KIRREL3: variants seen among roughly 807,000 people sequenced by gnomAD.
KIRREL3 encodes kirre like nephrin family adhesion molecule 3.
In KIRREL3, 36 loss-of-function variants were observed where a neutral mutation model predicts 89.7. The observed-to-expected ratio is 0.40, with a 90% CI of 0.31 to 0.53. KIRREL3 has a LOEUF of 0.53. Among genes scored for constraint, KIRREL3 ranks in the 20% least tolerant of loss-of-function variants. The pLI is 0.49. For missense variants in KIRREL3, 864 were observed against 1,056.6 expected (o/e 0.82, Z 2.53); for synonymous variants, 445 against 441.4 (o/e 1.01, Z -0.10).
At chr11:126,819,467 G>A (rs1301873585) in intron 1 of KIRREL3, among the ~76,000 whole-genome samples, 7 of 152,198 alleles carry the variant, frequency 4.6e-5, no homozygotes, top group Admixed American at 3.9e-4. Context: ...CCATTGTGTG[G>A]GAGGCTGCTC....
chr11:126,646,996 T>G (rs183539576), intron 1 of KIRREL3, among the ~76,000 whole-genome samples: 77 of 152,344 alleles, frequency 5.1e-4, no homozygotes, highest in African/African-American at 1.8e-3. Context: ...TTAATGATCC[T>G]CAATGGTATA....
intron 2 of KIRREL3, among the ~76,000 whole-genome samples, chr11:126,534,011 G>T (rs1959023960): frequency 6.6e-6 from 1 of 152,170 alleles, no homozygotes; most frequent in Non-Finnish European, 1.5e-5. Context: ...GAAAGGGGGA[G>T]GCAAGGGTGG....
chr11:126,798,349 G>A (rs1486689200), intron 1 of KIRREL3, among the ~76,000 whole-genome samples: 1 of 118,998 alleles, frequency 8.4e-6, no homozygotes, highest in African/African-American at 3.3e-5. Flanking sequence ...CTGATGTTCA[G>A]GGTGCCTCCT....
At chr11:126,585,991 G>C (rs1473188986) in intron 1 of KIRREL3, among the ~76,000 whole-genome samples, 1 of 152,170 alleles carries the variant, frequency 6.6e-6, no homozygotes, top group Non-Finnish European at 1.5e-5. Flanking sequence ...AGTAATGGCC[G>C]TCTGCCTTCC....
At chr11:126,806,556 G>C (rs1951209728) in intron 1 of KIRREL3, among the ~76,000 whole-genome samples, 1 of 152,204 alleles carries the variant, frequency 6.6e-6, no homozygotes, top group African/African-American at 2.4e-5. Flanking sequence ...GATACTCCCT[G>C]AGTTGAACTC....
intron 1 of KIRREL3, among the ~76,000 whole-genome samples, chr11:126,592,196 T>C (rs1310296862): frequency 6.6e-6 from 1 of 152,214 alleles, no homozygotes; most frequent in East Asian, 1.9e-4. Context: ...CGAACAGTTA[T>C]TGTCGTAATC....
chr11:127,002,812 C>T (rs1352137632), upstream of KIRREL3: 5 of 152,152 alleles, frequency 3.3e-5, no homozygotes, highest in Non-Finnish European at 5.9e-5. Context: ...TAATTCAGCC[C>T]CCGAGGGAAC....
chr11:126,517,590 T>A (rs1958460120), intron 4 of KIRREL3, among the ~76,000 whole-genome samples: 1 of 152,158 alleles, frequency 6.6e-6, no homozygotes, highest in South Asian at 2.1e-4. Flanking sequence ...AGAGGTCCTA[T>A]CTCCCAGCCT....
intron 1 of KIRREL3, among the ~76,000 whole-genome samples, chr11:126,932,599 G>A (rs1352725101): frequency 6.6e-6 from 1 of 152,152 alleles, no homozygotes; most frequent in Non-Finnish European, 1.5e-5. Flanking sequence ...TGTCTTGGAC[G>A]GTCCCTGCTA....
chr11:126,982,318 G>C (rs1371464587), intron 1 of KIRREL3, among the ~76,000 whole-genome samples: 5 of 152,238 alleles, frequency 3.3e-5, no homozygotes, highest in Admixed American at 6.5e-5. Flanking sequence ...AGACCCATCT[G>C]TAGGCTCAGG....
chr11:126,996,337 A>C lies in KIRREL3; in HGVS notation c.55+4118T>G, dbSNP rs769887197. 6.6e-6 allele frequency among the ~76,000 whole-genome samples: 1 copy of C among 152,116 alleles called. No individual in the cohort carries two copies. The highest frequency in any genetic ancestry group is 1.5e-5 in the Non-Finnish European group (1 of 67,998). On this transcript the variant is annotated intron_variant, in intron 1 of 16. Coordinates refer to ENST00000525144, the MANE Select transcript of KIRREL3 (RefSeq NM_032531.4). This position sits in a 1 kb window ranked among gnomAD's most constrained non-coding sequence, Gnocchi z 4.7. Reference sequence around the variant, plus strand: ...TTTTATGACATTTCTGAGTGAGTGTAAGTGTTTCCAAAGTTGCTGTTCACT... The same window carrying C: ...TTTTATGACATTTCTGAGTGAGTGTCAGTGTTTCCAAAGTTGCTGTTCACT...
intron 5 of KIRREL3, among the ~76,000 whole-genome samples, chr11:126,472,648 G>C (rs1222721353): frequency 6.6e-6 from 1 of 150,902 alleles, no homozygotes; most frequent in Non-Finnish European, 1.5e-5. Flanking sequence ...GAGTCTCCTC[G>C]TCTGACCATG....
rs1947650148 is a variant in KIRREL3, at chr11:126,709,002, C to T, written c.56-146090G>A. Among the ~76,000 whole-genome samples the T allele has an allele frequency of 6.6e-6, 1 of 152,292 alleles. No individual in the cohort carries two copies. Among genetic ancestry groups the T allele is most frequent in the East Asian group, 1.9e-4 (1 of 5,178 alleles). On this transcript the variant is annotated intron_variant, in intron 1 of 16. Transcript: ENST00000525144. The surrounding 1 kb of genome is among the most constrained non-coding windows in gnomAD (Gnocchi z 4.0). ...GCTAATCCAACAGTTTCTGCCCCCA[C>T]CCCAGGACAGCTTGTGTTATCACGG...
At position 126,796,390 on chromosome 11, in the gene KIRREL3, G is replaced by A. The variant is rs999283288; in HGVS notation, c.55+204065C>T. Among the ~76,000 whole-genome samples, 23 of 152,120 alleles carry A rather than the reference G, an allele frequency of 1.5e-4. No individual in the cohort carries two copies. Among genetic ancestry groups the A allele is most frequent in the African/African-American group, 5.6e-4 (23 of 41,438 alleles). Reference sequence around the variant, plus strand: ...TGGATGGAAGGATCTCATTCTGCCCGTCCTGTCCCGCAGCATTGGGTGTGG... The same window carrying A: ...TGGATGGAAGGATCTCATTCTGCCCATCCTGTCCCGCAGCATTGGGTGTGG... On this transcript the variant is annotated intron_variant, in intron 1 of 16. Transcript: ENST00000525144. The surrounding 1 kb of genome is among the most constrained non-coding windows in gnomAD (Gnocchi z 5.1).
In KIRREL3 at chr11:127,000,522, C is replaced by G. The variant is rs3802824; in HGVS notation, c.-13G>C. 4 of 1,600,358 alleles carry G rather than the reference C, an allele frequency of 2.5e-6. No individual in the cohort carries two copies. Among genetic ancestry groups the G allele is most frequent in the South Asian group, 1.1e-5 (1 of 88,254 alleles). On this transcript the variant is annotated 5_prime_UTR_variant, in exon 1 of 17. Transcript: ENST00000525144. The surrounding 1 kb of genome is among the most constrained non-coding windows in gnomAD (Gnocchi z 7.1). Reference sequence around the variant, plus strand: ...GGAAGGGTTTCATTCCTTAGCGCAGCGAAGGAAAGCCGGCGGGGTAACTTG... The same window carrying G: ...GGAAGGGTTTCATTCCTTAGCGCAGGGAAGGAAAGCCGGCGGGGTAACTTG...
chr11:126,526,748 C>T lies in KIRREL3; in HGVS notation c.134-61G>A. On this transcript the variant is annotated intron_variant, in intron 2 of 16. Transcript: ENST00000525144. This position sits in a 1 kb window ranked among gnomAD's most constrained non-coding sequence, Gnocchi z 5.7. ...CCGGCTACAGGGGCGAGAAGGCTCCCCTCCAGCTATGGAAGCAGAGCAGGG... is the reference window on the plus strand; with the variant it reads ...CCGGCTACAGGGGCGAGAAGGCTCCTCTCCAGCTATGGAAGCAGAGCAGGG... The T allele has an allele frequency of 6.6e-7, 1 of 1,511,134 alleles. No homozygotes were observed. The highest frequency in any genetic ancestry group is 9.0e-7 in the Non-Finnish European group (1 of 1,115,496). 93.6% of individuals were successfully genotyped at this position (1,511,134 alleles called of 1,614,324 possible).
chr11:126,678,565 A>G (rs1011766712), intron 1 of KIRREL3, among the ~76,000 whole-genome samples: 1 of 139,752 alleles, frequency 7.2e-6, no homozygotes, highest in Non-Finnish European at 1.5e-5. Flanking sequence ...GTGCCACTGC[A>G]CACCAGCCTG....
intron 1 of KIRREL3, among the ~76,000 whole-genome samples, chr11:126,654,219 A>C (rs1945029732): frequency 6.6e-6 from 1 of 152,034 alleles, no homozygotes; most frequent in East Asian, 1.9e-4. Context: ...GGGGACACTG[A>C]TTTTATTGCT....
rs1436777543 is a variant in KIRREL3, at chr11:126,981,870, C to A, written c.55+18585G>T. Among the ~76,000 whole-genome samples, 1 of 152,188 alleles carries A rather than the reference C, an allele frequency of 6.6e-6. No homozygotes were observed. The highest frequency in any genetic ancestry group is 1.5e-5 in the Non-Finnish European group (1 of 68,034). On this transcript the variant is annotated intron_variant, in intron 1 of 16. Coordinates refer to ENST00000525144, the MANE Select transcript of KIRREL3 (RefSeq NM_032531.4). This position sits in a 1 kb window ranked among gnomAD's most constrained non-coding sequence, Gnocchi z 4.2. ...TAGCACACACTCCCTTGCTTGGGGG[C>A]TCTGCTGGGATGACAGCCTTTAAAC...
Sources: gnomAD v4.1 joint callset for allele counts (sites outside exome capture counted in the v4.1 genomes callset) on GRCh38, gnomAD v4.1.1 for gene constraint, Gnocchi (gnomAD v3.1) non-coding constraint, MANE v1.5 for transcripts, NCBI Gene and HGNC (gene_info 2026-07-23, HGNC 2026-07-21) for gene names.